TMCO1: variants seen among roughly 807,000 people sequenced by gnomAD.
TMCO1 encodes the protein calcium load-activated calcium channel.
In TMCO1, 29 loss-of-function variants were observed where a neutral mutation model predicts 29.3. The ratio of observed to expected loss-of-function variants is 0.99; its 90% CI spans 0.74 to 1.35. The LOEUF is 1.35. Ranked by LOEUF, TMCO1 falls within the 40% of genes most tolerant of loss-of-function variation. The probability of loss-of-function intolerance (pLI) is 0.00; values close to 1 mark genes in which losing one functional copy is unlikely to be tolerated. For synonymous variants in TMCO1, 80 were observed against 77.1 expected (o/e 1.04, Z -0.20); for missense variants, 173 against 225.5 (o/e 0.77, Z 1.49).
At chr1:165,726,402 T>C (rs937071877), downstream of TMCO1, 38 of 630,738 alleles carry the variant, frequency 6.0e-5, no homozygotes, top group Non-Finnish European at 1.1e-4. Context: ...TCACACACTC[T>C]AGTTGAGGAG....
At chr1:165,754,005 G>C (rs551804066) in intron 4 of TMCO1, among the ~76,000 whole-genome samples, 3 of 152,228 alleles carry the variant, frequency 2.0e-5, no homozygotes, top group African/African-American at 7.2e-5. Flanking sequence ...GACAAATTAT[G>C]ACCTCTGAGA....
chr1:165,760,856 C>T (rs75213938), intron 2 of TMCO1, among the ~76,000 whole-genome samples: 2,021 of 152,094 alleles, frequency 0.013, 53 homozygotes, highest in African/African-American at 0.047. Context: ...ATTATATTTA[C>T]CATCTTTAAT....
rs1651671793 is a variant in TMCO1, at chr1:165,743,317, A to AG, written c.324-7dup. 4 of 1,606,020 alleles carry AG rather than the reference A, an allele frequency of 2.5e-6. No homozygotes were observed. Among genetic ancestry groups the AG allele is most frequent in the East Asian group, 4.5e-5 (2 of 44,674 alleles). The stretch of plus-strand genomic sequence containing the variant: ...CCACCACTCTACCATCAAATCTAAA[A>AG]GAAAAAAAAAAAAAAAGAATTGTTA... On this transcript the variant is annotated splice_region_variant and splice_polypyrimidine_tract_variant and intron_variant, in intron 5 of 6. Coordinates refer to ENST00000367881, the MANE Select transcript of TMCO1 (RefSeq NM_019026.6).
In TMCO1 at chr1:165,726,870, C is replaced by T; in HGVS notation, c.*1153G>A. On this transcript the variant is annotated 3_prime_UTR_variant, in exon 7 of 7. Coordinates refer to ENST00000367881, the MANE Select transcript of TMCO1 (RefSeq NM_019026.6). ...ATTCTAAGTTGATACTTATTTTCCTCAGCACTTTGAAGATACTTTTCTACT... is the reference window on the plus strand; with the variant it reads ...ATTCTAAGTTGATACTTATTTTCCTTAGCACTTTGAAGATACTTTTCTACT... The T allele has an allele frequency of 2.2e-6, 1 of 453,920 alleles. No individual in the cohort carries two copies. Among genetic ancestry groups the T allele is most frequent in the Admixed American group, 2.3e-5 (1 of 42,554 alleles). The allele number at this position is 453,920 out of a possible 1,614,324, so 28.1% of individuals were successfully genotyped here.
At chr1:165,725,384 G>T (rs1020336957), downstream of TMCO1, 1 of 453,560 alleles carries the variant, frequency 2.2e-6, no homozygotes, top group Non-Finnish European at 4.4e-6. Context: ...TCTGGTCAAG[G>T]ACATATGAAT....
chr1:165,729,593 TACAGGCATGAGCC>T (rs1651063118), intron 6 of TMCO1, among the ~76,000 whole-genome samples: 1 of 152,152 alleles, frequency 6.6e-6, no homozygotes, highest in South Asian at 2.1e-4. Context: ...GTGCTGGGAT[TACAGGCATGAGCC>T]ACTGCGCCCA....
At chr1:165,759,702 T>C (rs1571229937) in intron 2 of TMCO1, 118 bp from the exon 3 acceptor site, 6 of 808,598 alleles carry the variant, frequency 7.4e-6, no homozygotes, top group African/African-American at 1.7e-5. Flanking sequence ...CACTGACTGA[T>C]TATGGTCATG....
At position 165,746,453 on chromosome 1, in the gene TMCO1, TCACACA is replaced by T. The variant is rs59467463; in HGVS notation, c.324-3148_324-3143del. Among the ~76,000 whole-genome samples the T allele has an allele frequency of 7.5e-3, 997 of 132,412 alleles. 13 individuals are homozygous for T. Among genetic ancestry groups the T allele is most frequent in the South Asian group, 0.03 (113 of 3,806 alleles). The allele number at this position is 132,412 out of a possible 152,430, so 86.9% of individuals were successfully genotyped here. On this transcript the variant is annotated intron_variant, in intron 5 of 6. Coordinates refer to ENST00000367881, the MANE Select transcript of TMCO1 (RefSeq NM_019026.6). ...ACTTCTATAGCTTGGAAGACCTATA[TCACACA>T]CACACACACACACACACACACACAC...
In TMCO1 at chr1:165,727,417, G is replaced by A. The variant is rs1444417094; in HGVS notation, c.*606C>T. 1.8e-5 allele frequency: 8 copies of A among 453,464 alleles called. No individual in the cohort carries two copies. In the East Asian group the frequency reaches 4.9e-4, roughly 28 times the overall value. 28.1% of individuals were successfully genotyped at this position (453,464 alleles called of 1,614,324 possible). A position where few individuals can be genotyped will look rare whatever the true frequency, so the allele number is the denominator to read the frequency against. On this transcript the variant is annotated 3_prime_UTR_variant, in exon 7 of 7. Transcript: ENST00000367881. ...ACACCAAGACAACTCTGTATTTTGA[G>A]TATATGAGTCAAGTATGGCAAAAAG...
chr1:165,746,046 C>G (rs890309352), intron 5 of TMCO1, among the ~76,000 whole-genome samples: 3 of 152,122 alleles, frequency 2.0e-5, no homozygotes, highest in Non-Finnish European at 4.4e-5. Context: ...CTTTGGGAGG[C>G]TGAGGCGGGT....
chr1:165,739,143 G>A (rs1003419907), intron 6 of TMCO1, among the ~76,000 whole-genome samples: 1 of 152,104 alleles, frequency 6.6e-6, no homozygotes, highest in African/African-American at 2.4e-5. Flanking sequence ...TATTCAGCAA[G>A]CATGTTTCAG....
intron 6 of TMCO1, among the ~76,000 whole-genome samples, chr1:165,730,290 T>C (rs1651098626): frequency 6.6e-6 from 1 of 151,370 alleles, no homozygotes; most frequent in Admixed American, 6.6e-5. Context: ...TGAGCCGAGA[T>C]CGCGCCACTG....
chr1:165,753,132 T>G (rs1652061217), intron 4 of TMCO1, among the ~76,000 whole-genome samples: 2 of 152,156 alleles, frequency 1.3e-5, no homozygotes, highest in Admixed American at 1.3e-4. Context: ...AAATCAGTTT[T>G]CCTTATACTT....
At chr1:165,725,921 C>G, downstream of TMCO1, 1 of 631,344 alleles carries the variant, frequency 1.6e-6, no homozygotes, top group Non-Finnish European at 2.9e-6. Flanking sequence ...TGTAATCTCT[C>G]CTTTTTAACT....
At position 165,728,076 on chromosome 1, in the gene TMCO1, T is replaced by C; in HGVS notation, c.514A>G (p.Lys172Glu). The C allele has an allele frequency of 6.2e-7, 1 of 1,609,278 alleles. No individual in the cohort carries two copies. The highest frequency in any genetic ancestry group is 1.3e-5 in the African/African-American group (1 of 74,882). Residue 172 changes from lysine (K) to glutamate (E), a missense_variant, in exon 7 of 7, where the codon AAG becomes GAG. By Grantham distance (56) the Lys-to-Glu change is moderately conservative. Transcript: ENST00000367881. The stretch of plus-strand genomic sequence containing the variant: ...GGGCCAAGAAATCCACCTGCCTGCT[T>C]GGTGGCGGCTCGTGAAGGGGCAAGG... ...LGLAPSRAATKQAGGFLGPPP... is the reference protein window; with the variant it reads ...LGLAPSRAATEQAGGFLGPPP...
intron 6 of TMCO1, among the ~76,000 whole-genome samples, chr1:165,734,686 G>A (rs912669506): frequency 2.6e-5 from 4 of 151,992 alleles, no homozygotes; most frequent in African/African-American, 9.7e-5. Flanking sequence ...TGTATTTTTA[G>A]TAGAGACAGG....
At chr1:165,736,559 TA>T (rs1283943996) in intron 6 of TMCO1, among the ~76,000 whole-genome samples, 1 of 151,988 alleles carries the variant, frequency 6.6e-6, no homozygotes, top group Non-Finnish European at 1.5e-5. Flanking sequence ...CGCTCTCTCC[TA>T]AAAATACAAA....
At chr1:165,753,008 T>C (rs1652058270) in intron 4 of TMCO1, among the ~76,000 whole-genome samples, 1 of 152,162 alleles carries the variant, frequency 6.6e-6, no homozygotes, top group Non-Finnish European at 1.5e-5. Context: ...CTGTGTTAAA[T>C]ATATAGAAGT....
At position 165,768,277 on chromosome 1, in the gene TMCO1, A is replaced by T. The variant is rs761232909; in HGVS notation, c.71-8T>A. On this transcript the variant is annotated splice_polypyrimidine_tract_variant and splice_region_variant and intron_variant, in intron 1 of 6. Transcript: ENST00000367881. ...CCAGGACCCAGGTTATGCCTAAAACATTAAAAGCAACATGTTAATAGAGAA... is the reference window on the plus strand; with the variant it reads ...CCAGGACCCAGGTTATGCCTAAAACTTTAAAAGCAACATGTTAATAGAGAA... 1 of 1,611,636 alleles carries T rather than the reference A, an allele frequency of 6.2e-7. No individual in the cohort carries two copies. Among genetic ancestry groups the T allele is most frequent in the South Asian group, 1.1e-5 (1 of 91,024 alleles).
Sources: gnomAD v4.1 joint callset for allele counts (sites outside exome capture counted in the v4.1 genomes callset) on GRCh38, gnomAD v4.1.1 for gene constraint, MANE v1.5 for transcripts, NCBI Gene and HGNC (gene_info 2026-07-23, HGNC 2026-07-21) for gene names.